BRWD1: variants seen among roughly 807,000 people sequenced by gnomAD.
BRWD1 encodes the protein bromodomain and WD repeat-containing protein 1.
A neutral mutation model predicts 251.2 loss-of-function variants in BRWD1; 82 were observed. The observed-to-expected ratio is 0.33, with a 90% CI of 0.27 to 0.39. The LOEUF is 0.39. Ranked by LOEUF, BRWD1 falls within the 10% of genes least tolerant of loss-of-function variation. The pLI is 1.00. For synonymous variants in BRWD1, 918 were observed against 902.8 expected (o/e 1.02, Z -0.30); for missense variants, 2,233 against 2,711.6 (o/e 0.82, Z 3.92).
At chr21:39,313,345 G>T (rs764458712) in intron 1 of BRWD1, 46 bp from the exon 2 acceptor site, 4 of 1,505,862 alleles carry the variant, frequency 2.7e-6, no homozygotes, top group Non-Finnish European at 2.7e-6. Flanking sequence ...GGGGAGGGGA[G>T]GGGGACGGGG....
upstream of BRWD1, chr21:39,313,945 C>T (rs2036625018): frequency 5.9e-6 from 2 of 340,736 alleles, no homozygotes; most frequent in Non-Finnish European, 5.7e-6. Flanking sequence ...CGGGCGGGTG[C>T]CGGGGGCGGA....
At chr21:39,247,474 C>G (rs1486652885) in intron 21 of BRWD1, among the ~76,000 whole-genome samples, 1 of 152,148 alleles carries the variant, frequency 6.6e-6, no homozygotes, top group East Asian at 1.9e-4. Flanking sequence ...TTTCAAAATT[C>G]TGAGTTGGGA....
chr21:39,232,556 T>C, intron 23 of BRWD1, 58 bp from the exon 24 acceptor site: 1 of 1,543,624 alleles, frequency 6.5e-7, no homozygotes, highest in Non-Finnish European at 8.7e-7. Flanking sequence ...ATGCACTGTC[T>C]GAATGAAAAA....
In BRWD1 at chr21:39,187,948, G is replaced by A. The variant is rs2031339118; in HGVS notation, c.*8311C>T. The stretch of plus-strand genomic sequence containing the variant: ...TTAGACGAGAGGTGAAAATTGTGAA[G>A]GGATTTGCCAGACAAAAAGCACTTT... On this transcript the variant is annotated 3_prime_UTR_variant, in exon 41 of 41. Transcript: ENST00000342449. 1 of 984,420 alleles carries A rather than the reference G, an allele frequency of 1.0e-6. No individual in the cohort carries two copies. Among genetic ancestry groups the A allele is most frequent in the African/African-American group, 1.7e-5 (1 of 57,192 alleles). 61.0% of individuals were successfully genotyped at this position (984,420 alleles called of 1,614,324 possible).
chr21:39,192,807 T>G lies in BRWD1; in HGVS notation c.*3452A>C. 1.0e-6 allele frequency: 1 copy of G among 985,206 alleles called. No individual in the cohort carries two copies. The highest frequency in any genetic ancestry group is 1.2e-6 in the Non-Finnish European group (1 of 829,774). 61.0% of individuals were successfully genotyped at this position (985,206 alleles called of 1,614,324 possible). On this transcript the variant is annotated 3_prime_UTR_variant, in exon 41 of 41. Coordinates refer to ENST00000342449, the MANE Select transcript of BRWD1 (RefSeq NM_033656.4). ...ACAATGTTCTTGCATTCTACTGATA[T>G]ACAAACCTCTGGGGTTTCAGTTGGC...
chr21:39,245,341 A>ACC (rs1307885053), intron 21 of BRWD1, among the ~76,000 whole-genome samples: 2 of 152,226 alleles, frequency 1.3e-5, no homozygotes, highest in Non-Finnish European at 2.9e-5. Flanking sequence ...TTACTGATTA[A>ACC]ATTAATTCTC....
intron 12 of BRWD1, 21 bp from the exon 13 acceptor site, chr21:39,274,493 A>T: frequency 6.4e-7 from 1 of 1,561,012 alleles, no homozygotes; most frequent in Non-Finnish European, 8.8e-7. Context: ...TCAGAACAGG[A>T]TCTTACTATA....
chr21:39,204,484 T>C (rs138027570), intron 37 of BRWD1, among the ~76,000 whole-genome samples: 3 of 152,206 alleles, frequency 2.0e-5, no homozygotes, highest in African/African-American at 7.2e-5. Context: ...TAAATTAATA[T>C]ACAATTACTG....
chr21:39,211,738 AAAATTAAACGAAAATGACTAATC>A (rs1416648093), intron 34 of BRWD1, among the ~76,000 whole-genome samples: 1 of 152,198 alleles, frequency 6.6e-6, no homozygotes, highest in African/African-American at 2.4e-5. Context: ...GTCTAGAAAT[AAAATTAAACGAAAATGACTAATC>A]AAATTAGAGT....
At position 39,194,373 on chromosome 21, in the gene BRWD1, T is replaced by C. The variant is rs114669759; in HGVS notation, c.*1886A>G. 3,628 of 1,096,324 alleles carry C rather than the reference T, an allele frequency of 3.3e-3. 87 individuals carry two copies. In the African/African-American group the frequency reaches 0.053, roughly 16 times the overall value. 67.9% of individuals were successfully genotyped at this position (1,096,324 alleles called of 1,614,324 possible). A position where few individuals can be genotyped will look rare whatever the true frequency, so the allele number is the denominator to read the frequency against. On this transcript the variant is annotated 3_prime_UTR_variant, in exon 41 of 41. Coordinates refer to ENST00000342449, the MANE Select transcript of BRWD1 (RefSeq NM_033656.4). Reference sequence around the variant, plus strand: ...TTTAAATAAATTAATGGATTTGACATCTATCACCAGTTTTTAAAATTAGCA... The same window carrying C: ...TTTAAATAAATTAATGGATTTGACACCTATCACCAGTTTTTAAAATTAGCA...
At chr21:39,260,644 C>A (rs2034712214) in intron 17 of BRWD1, among the ~76,000 whole-genome samples, 1 of 152,154 alleles carries the variant, frequency 6.6e-6, no homozygotes, top group Admixed American at 6.5e-5. Flanking sequence ...AGCTTTCAGA[C>A]ACTGGACAAC....
At chr21:39,215,082 C>T (rs2032829590) in intron 32 of BRWD1, among the ~76,000 whole-genome samples, 155 bp downstream of exon 32, 2 of 151,288 alleles carry the variant, frequency 1.3e-5, no homozygotes, top group African/African-American at 4.9e-5. Flanking sequence ...TGTTGGTACG[C>T]TGGTCTCAAA....
intron 31 of BRWD1, among the ~76,000 whole-genome samples, chr21:39,215,943 T>A (rs2032871155): frequency 6.6e-6 from 1 of 152,164 alleles, no homozygotes; most frequent in African/African-American, 2.4e-5. Flanking sequence ...GAGGCTACAG[T>A]GAGCTATCAT....
At chr21:39,219,690 A>G (rs1008415419) in intron 29 of BRWD1, 3 of 152,238 alleles carry the variant, frequency 2.0e-5, no homozygotes, top group African/African-American at 7.2e-5. Flanking sequence ...AGTTTTATAT[A>G]GAGCATTCTT....
At chr21:39,282,364 A>G (rs1446981529) in intron 8 of BRWD1, among the ~76,000 whole-genome samples, 3 of 152,186 alleles carry the variant, frequency 2.0e-5, no homozygotes, top group Non-Finnish European at 4.4e-5. Context: ...ATTTTTTTTA[A>G]TGTTGAAAGT....
chr21:39,213,119 G>T (rs1032572592), intron 33 of BRWD1, among the ~76,000 whole-genome samples: 5 of 152,070 alleles, frequency 3.3e-5, no homozygotes, highest in African/African-American at 1.2e-4. Context: ...TGTAGAGACA[G>T]GGTCTCAAAC....
chr21:39,312,677 A>AAAAAC (rs1278789695), intron 4 of BRWD1, 164 bp downstream of exon 4: 11 of 447,110 alleles, frequency 2.5e-5, no homozygotes, highest in Non-Finnish European at 4.4e-5. Context: ...TGGCCGCCTC[A>AAAAAC]AAAACAAAAC....
rs907226592 is a variant in BRWD1, at chr21:39,197,098, G to A, written c.5971C>T (p.Gln1991Ter). The A allele has an allele frequency of 6.2e-7, 1 of 1,614,084 alleles. No individual in the cohort carries two copies. The change falls in exon 41 of 41, where the codon CAG becomes TAG. Residue 1991 changes from glutamine to a stop codon, truncating the protein, a stop_gained. Coordinates refer to ENST00000342449, the MANE Select transcript of BRWD1 (RefSeq NM_033656.4). LOFTEE classifies it low-confidence loss of function (END_TRUNC). ...GGTGGCTTGCCTTCACAGGCATACT[G>A]TTCACTTGGTACTTCACAATGTACA... Reference protein sequence around the residue: ...GSVHCEVPSEQYACEGKPPDP... With the variant: ...GSVHCEVPSE
rs965249905 is a variant in BRWD1, at chr21:39,195,316, C to G, written c.*943G>C. 1 of 999,820 alleles carries G rather than the reference C, an allele frequency of 1.0e-6. No homozygotes were observed. The highest frequency in any genetic ancestry group is 1.7e-5 in the African/African-American group (1 of 57,224). 61.9% of individuals were successfully genotyped at this position (999,820 alleles called of 1,614,324 possible). A position where few individuals can be genotyped will look rare whatever the true frequency, so the allele number is the denominator to read the frequency against. On this transcript the variant is annotated 3_prime_UTR_variant, in exon 41 of 41. Coordinates refer to ENST00000342449, the MANE Select transcript of BRWD1 (RefSeq NM_033656.4). ...CAATTGGAATACAGATGGGGGAAACCTACATATTAACTTAAATACTCTTTT... is the reference window on the plus strand; with the variant it reads ...CAATTGGAATACAGATGGGGGAAACGTACATATTAACTTAAATACTCTTTT...
Sources: gnomAD v4.1 joint callset for allele counts (sites outside exome capture counted in the v4.1 genomes callset) on GRCh38, gnomAD v4.1.1 for gene constraint, MANE v1.5 for transcripts, NCBI Gene and HGNC (gene_info 2026-07-23, HGNC 2026-07-21) for gene names.